The following TLL1 variants were observed in gnomAD, a reference collection of about 807,000 sequenced individuals.
The protein encoded by TLL1 is tolloid like 1, also known as tolloid-like protein 1.
In TLL1, 49 loss-of-function variants were observed where a neutral mutation model predicts 128.2. The ratio of observed to expected loss-of-function variants is 0.38; its 90% confidence interval spans 0.30 to 0.48. The LOEUF is 0.48. Among genes scored for constraint, TLL1 ranks in the 20% least tolerant of loss-of-function variants. The pLI is 0.96. For missense variants in TLL1, 1,123 were observed against 1,242.0 expected, an observed-to-expected ratio of 0.90 and a Z score of 1.44; for synonymous variants, 454 against 418.8, an observed-to-expected ratio of 1.08 and a Z score of -1.03.
At chr4:166,015,036 T>C (rs1408654277) in intron 8 of TLL1, among the ~76,000 whole-genome samples, 6 of 151,988 alleles carry the variant, frequency 3.9e-5, no homozygotes, top group Non-Finnish European at 8.8e-5. Context: ...AAAAAAATGT[T>C]CTAACCGGTT....
intron 10 of TLL1, among the ~76,000 whole-genome samples, chr4:166,040,048 A>G (rs901508230): frequency 1.3e-5 from 2 of 152,212 alleles, no homozygotes; most frequent in Non-Finnish European, 2.9e-5. Flanking sequence ...CACAGACCAC[A>G]CTATTAACTT....
intron 16 of TLL1, among the ~76,000 whole-genome samples, chr4:166,069,091 G>A (rs1299320616): frequency 6.6e-6 from 1 of 151,664 alleles, no homozygotes; most frequent in Non-Finnish European, 1.5e-5. Flanking sequence ...ACCTATTACT[G>A]TTAGCCAAGT....
chr4:165,919,168 G>A (rs1732916081), intron 1 of TLL1, among the ~76,000 whole-genome samples: 1 of 151,916 alleles, frequency 6.6e-6, no homozygotes, highest in South Asian at 2.1e-4. Context: ...GATCACTGGA[G>A]CCCAGGAGTT....
intron 16 of TLL1, among the ~76,000 whole-genome samples, chr4:166,073,419 A>G (rs560864903): frequency 2.0e-5 from 3 of 152,294 alleles, no homozygotes; most frequent in South Asian, 2.1e-4. Context: ...CTAATTTTCT[A>G]TTAACTCCTG....
At chr4:165,895,110 A>T (rs1731611941) in intron 1 of TLL1, among the ~76,000 whole-genome samples, 2 of 152,158 alleles carry the variant, frequency 1.3e-5, no homozygotes, top group African/African-American at 4.8e-5. Context: ...TCCTGGGAAG[A>T]ACCACACCTG....
chr4:165,963,155 C>T (rs1225320958), intron 1 of TLL1, among the ~76,000 whole-genome samples: 2 of 141,606 alleles, frequency 1.4e-5, no homozygotes, highest in Non-Finnish European at 3.0e-5. Context: ...CTGGGGAATA[C>T]AAGAGGGAGA....
chr4:165,876,919 C>A (rs922144), intron 1 of TLL1, among the ~76,000 whole-genome samples: 4,608 of 152,232 alleles, frequency 0.03, 195 homozygotes, highest in East Asian at 0.14. Context: ...AACTCAAATC[C>A]TTGAGGACAG....
intron 13 of TLL1, 105 bp from the exon 14 acceptor site, chr4:166,057,079 G>A: frequency 1.5e-6 from 2 of 1,334,146 alleles, no homozygotes; most frequent in Non-Finnish European, 2.1e-6. Context: ...AATTTTGGGA[G>A]ATATCATTCA....
At position 166,039,489 on chromosome 4, in the gene TLL1, G is replaced by A. The variant is rs3756018; in HGVS notation, c.1261+48G>A. On this transcript the variant is annotated intron_variant, in intron 10 of 20. Transcript: ENST00000061240. ...TGTGGCTATGTATCTATTCTGTCCC[G>A]TCCAAAAAAACCAACCGATTCTCTC... 2.1e-4 allele frequency: 309 copies of A among 1,460,806 alleles called. No homozygotes were observed. The East Asian group carries it at 5.2e-3, about 25-fold the overall frequency. 90.5% of individuals were successfully genotyped at this position (1,460,806 alleles called of 1,614,324 possible).
rs1022178185 is a variant in TLL1 at position 165,967,345 on chromosome 4, A to G, written c.170-22036A>G. Among the ~76,000 whole-genome samples the G allele has an allele frequency of 3.3e-5, 5 of 152,206 alleles. No individual in the cohort carries two copies. In the East Asian group the frequency reaches 9.6e-4, roughly 29 times the overall value. ...AGGTGACATACATCCTCAGCTTATG[A>G]AGAGGATTAAGAGATTAAAGACAGG... On this transcript the variant is annotated intron_variant, in intron 1 of 20. Transcript: ENST00000061240.
At chr4:166,080,074 A>T (rs1741217103) in intron 18 of TLL1, among the ~76,000 whole-genome samples, 1 of 152,106 alleles carries the variant, frequency 6.6e-6, no homozygotes, top group Non-Finnish European at 1.5e-5. Flanking sequence ...AATGACAGAA[A>T]TTTATTTTCT....
At chr4:166,040,133 A>G (rs1362304343) in intron 10 of TLL1, among the ~76,000 whole-genome samples, 1 of 152,142 alleles carries the variant, frequency 6.6e-6, no homozygotes, top group Non-Finnish European at 1.5e-5. Context: ...CATCTACTCT[A>G]TATTGATCTT....
intron 12 of TLL1, among the ~76,000 whole-genome samples, chr4:166,050,877 A>AGTAGTGAAAT (rs745724737): frequency 2.0e-5 from 3 of 152,204 alleles, no homozygotes; most frequent in Non-Finnish European, 4.4e-5. Flanking sequence ...ATGAACCCTC[A>AGTAGTGAAAT]GTAGTGAAAT....
intron 1 of TLL1, among the ~76,000 whole-genome samples, chr4:165,915,389 T>A (rs946112970): frequency 2.0e-5 from 3 of 152,152 alleles, no homozygotes; most frequent in African/African-American, 7.2e-5. Flanking sequence ...GTCAAATCTG[T>A]GGTTAGGGCT....
intron 1 of TLL1, among the ~76,000 whole-genome samples, chr4:165,884,994 T>C (rs1336605043): frequency 2.0e-5 from 3 of 152,230 alleles, no homozygotes; most frequent in African/African-American, 7.2e-5. Context: ...TCTACATTTA[T>C]AGGTCAGTAG....
intron 6 of TLL1, among the ~76,000 whole-genome samples, chr4:166,004,600 T>A (rs1023933695): frequency 5.3e-5 from 8 of 152,074 alleles, no homozygotes; most frequent in African/African-American, 1.9e-4. Context: ...TCAAGGGAGT[T>A]GTAAAGGAAT....
Position 165,936,223 on chromosome 4 carries a change from CT to C in TLL1, c.170-53144del, listed in dbSNP as rs942916662. On this transcript the variant is annotated intron_variant, in intron 1 of 20. Coordinates refer to ENST00000061240, the MANE Select transcript of TLL1 (RefSeq NM_012464.5). ...ATATATATATTTTTTTTTCTTTTTT[CT>C]TTTTTTTTTTTTTGAGATGGAGTCA... Among the ~76,000 whole-genome samples the C allele has an allele frequency of 1.1e-3, 138 of 120,864 alleles. No homozygotes were observed. The East Asian group carries it at 0.012, about 10-fold the overall frequency. 79.3% of individuals were successfully genotyped at this position (120,864 alleles called of 152,430 possible).
At chr4:165,999,241 T>C (rs1054664787) in intron 5 of TLL1, among the ~76,000 whole-genome samples, 17 of 152,314 alleles carry the variant, frequency 1.1e-4, no homozygotes, top group African/African-American at 4.1e-4. Context: ...CTCCCAGTAC[T>C]AATTTTTTGT....
chr4:165,876,744 G>A (rs191791695), intron 1 of TLL1, among the ~76,000 whole-genome samples: 1 of 152,338 alleles, frequency 6.6e-6, no homozygotes, highest in East Asian at 1.9e-4. Context: ...AAGTCTGGCT[G>A]TATTTGACAA....
Sources: allele counts gnomAD v4.1 joint callset (sites outside exome capture counted in the v4.1 genomes callset), GRCh38; gene constraint gnomAD v4.1.1; transcripts MANE v1.5; gene names NCBI Gene and HGNC (gene_info 2026-07-23, HGNC 2026-07-21).